The following FLRT2 variants were observed in gnomAD, a reference collection of about 807,000 sequenced individuals.
FLRT2 encodes the protein fibronectin leucine rich transmembrane protein 2, also known as leucine-rich repeat transmembrane protein FLRT2.
Under a neutral mutation model 40.0 loss-of-function variants are expected in FLRT2, and 15 were observed. That is an observed-to-expected ratio of 0.38 (90% confidence interval 0.25 to 0.58). The LOEUF (loss-of-function observed/expected upper bound fraction) is 0.58, where lower values mean the gene tolerates loss of function less well. FLRT2 is among the 20% of genes least tolerant of loss of function. FLRT2 has a pLI of 0.71. For synonymous variants in FLRT2, 380 were observed against 336.8 expected (o/e 1.13, Z -1.41); for missense variants, 726 against 840.0 (o/e 0.86, Z 1.68).
At chr14:85,586,170 A>C (rs898062826) in intron 1 of FLRT2, among the ~76,000 whole-genome samples, 16 of 149,590 alleles carry the variant, frequency 1.1e-4, no homozygotes, top group Non-Finnish European at 2.2e-4. Context: ...ATATTAATAT[A>C]AATATGATTA....
chr14:85,606,103 A>T (rs1892599702), intron 1 of FLRT2, among the ~76,000 whole-genome samples: 1 of 152,270 alleles, frequency 6.6e-6, no homozygotes, highest in East Asian at 1.9e-4. Flanking sequence ...ATATTGCCCA[A>T]CCAAATATTT....
intron 1 of FLRT2, among the ~76,000 whole-genome samples, chr14:85,553,926 C>T (rs1238369625): frequency 6.6e-6 from 1 of 152,070 alleles, no homozygotes; most frequent in African/African-American, 2.4e-5. Context: ...CTTTAAAAAA[C>T]AATAGATTCA....
At chr14:85,582,961 T>A (rs1891458985) in intron 1 of FLRT2, among the ~76,000 whole-genome samples, 1 of 152,066 alleles carries the variant, frequency 6.6e-6, no homozygotes, top group Non-Finnish European at 1.5e-5. Flanking sequence ...TTCACAGCTC[T>A]GGAGGTTAAA....
In FLRT2 at chr14:85,642,291, G is replaced by T. The variant is rs1463216298; in HGVS notation, c.*18794G>T. The T allele has an allele frequency of 6.6e-6, 1 of 152,102 alleles. No homozygotes were observed. The highest frequency in any genetic ancestry group is 1.5e-5 in the Non-Finnish European group (1 of 68,032). The allele number at this position is 152,102 out of a possible 1,614,324, so 9.4% of individuals were successfully genotyped here. On this transcript the variant is annotated 3_prime_UTR_variant, in exon 2 of 2. Transcript: ENST00000330753. ...TATCAGAAACCCAGAGCATTATAAT[G>T]GGAATGTTAGGTAGGTTTAAATTAT...
rs1893971454 is a variant in FLRT2, at chr14:85,635,135, C to T, written c.*11638C>T. 1 of 152,088 alleles carries T rather than the reference C, an allele frequency of 6.6e-6. No homozygotes were observed. Among genetic ancestry groups the T allele is most frequent in the Admixed American group, 6.6e-5 (1 of 15,266 alleles). The allele number at this position is 152,088 out of a possible 1,614,324, so 9.4% of individuals were successfully genotyped here. On this transcript the variant is annotated 3_prime_UTR_variant, in exon 2 of 2. Transcript: ENST00000330753. Reference sequence around the variant, plus strand: ...TAAACTTGATATGTTAGGGAAGCAACCTGCATAACCATTAAAATCAGGAGC... The same window carrying T: ...TAAACTTGATATGTTAGGGAAGCAATCTGCATAACCATTAAAATCAGGAGC...
chr14:85,571,781 G>T (rs1349880533), intron 1 of FLRT2, among the ~76,000 whole-genome samples: 2 of 152,114 alleles, frequency 1.3e-5, no homozygotes, highest in East Asian at 3.9e-4. Flanking sequence ...AGCTCTCAGT[G>T]GCTCTTGTTT....
chr14:85,603,849 G>A (rs1011781128), intron 1 of FLRT2, among the ~76,000 whole-genome samples: 7 of 152,150 alleles, frequency 4.6e-5, no homozygotes, highest in African/African-American at 4.8e-5. Context: ...CAGCCTGGGC[G>A]ACAGAGCGAG....
chr14:85,545,609 T>C (rs1889235893), intron 1 of FLRT2, among the ~76,000 whole-genome samples: 1 of 152,230 alleles, frequency 6.6e-6, no homozygotes, highest in African/African-American at 2.4e-5. Context: ...CATTAGTTAG[T>C]CTGCCACTTT....
rs1403463681 is a variant in FLRT2, at chr14:85,632,482, A to AT, written c.*8985_*8986insT. 2 of 151,664 alleles carry AT rather than the reference A, an allele frequency of 1.3e-5. No homozygotes were observed. The highest frequency in any genetic ancestry group is 4.8e-5 in the African/African-American group (2 of 41,308). 9.4% of individuals were successfully genotyped at this position (151,664 alleles called of 1,614,324 possible). On this transcript the variant is annotated 3_prime_UTR_variant, in exon 2 of 2. Transcript: ENST00000330753. ...TGAGACTCAAAAAAAAAAAAAAAAA[A>AT]ATCACCTTGCAACAAAATATCGCCA... is the stretch of plus-strand genomic sequence containing the variant.
At position 85,537,624 on chromosome 14, in the gene FLRT2, CACAT is replaced by C. The variant is rs1410243775; in HGVS notation, c.-377+7095_-377+7098del. On this transcript the variant is annotated intron_variant, in intron 1 of 1. Transcript: ENST00000330753. ...CACACACACACACACACACAACACA[CACAT>C]ACATCAAGAACCATTTTAAGACAGA... Among the ~76,000 whole-genome samples the C allele has an allele frequency of 5.3e-5, 8 of 152,136 alleles. No homozygotes were observed. The East Asian group carries it at 1.5e-3, about 29-fold the overall frequency.
At chr14:85,605,542 G>A (rs1016218528) in intron 1 of FLRT2, among the ~76,000 whole-genome samples, 11 of 152,130 alleles carry the variant, frequency 7.2e-5, no homozygotes, top group East Asian at 1.9e-4. Context: ...AGGCCGAGGC[G>A]GACAGATCAC....
intron 1 of FLRT2, among the ~76,000 whole-genome samples, chr14:85,589,074 A>G (rs1891768304): frequency 6.6e-6 from 1 of 152,198 alleles, no homozygotes; most frequent in South Asian, 2.1e-4. Context: ...GGGGATGCAG[A>G]TATCTCTTTG....
At chr14:85,600,167 T>C (rs1892320933) in intron 1 of FLRT2, among the ~76,000 whole-genome samples, 1 of 152,176 alleles carries the variant, frequency 6.6e-6, no homozygotes, top group African/African-American at 2.4e-5. Flanking sequence ...GAGGAAGTAG[T>C]AGGAGGCAGC....
At chr14:85,554,951 G>A (rs1889865483) in intron 1 of FLRT2, among the ~76,000 whole-genome samples, 2 of 152,124 alleles carry the variant, frequency 1.3e-5, no homozygotes, top group African/African-American at 4.8e-5. Flanking sequence ...GCACTGATGT[G>A]GATTAAAGAT....
intron 1 of FLRT2, among the ~76,000 whole-genome samples, chr14:85,533,763 G>A (rs933649540): frequency 1.1e-4 from 16 of 151,724 alleles, no homozygotes; most frequent in African/African-American, 2.9e-4. Context: ...AGCGAGGCGA[G>A]CTGGGCGCCC....
chr14:85,615,362 G>A (rs1893076093), intron 1 of FLRT2, among the ~76,000 whole-genome samples: 2 of 152,190 alleles, frequency 1.3e-5, no homozygotes, highest in South Asian at 2.1e-4. Context: ...AGAATATTTT[G>A]TGTTTGCCAA....
intron 1 of FLRT2, among the ~76,000 whole-genome samples, chr14:85,575,528 A>G (rs1168930160): frequency 6.6e-6 from 1 of 152,302 alleles, no homozygotes; most frequent in East Asian, 1.9e-4. Flanking sequence ...GGTCAGACAC[A>G]GTGGTGATCC....
At chr14:85,621,101 C>T (rs1460466921) in intron 1 of FLRT2, 38 bp from the exon 2 acceptor site, 1 of 192,048 alleles carries the variant, frequency 5.2e-6, no homozygotes, top group East Asian at 1.3e-4. Context: ...TCATTACTGC[C>T]TTTAACTGAC....
intron 1 of FLRT2, among the ~76,000 whole-genome samples, chr14:85,593,796 C>G (rs760499592): frequency 6.6e-6 from 1 of 152,140 alleles, no homozygotes; most frequent in Non-Finnish European, 1.5e-5. Context: ...AATTCCAGAA[C>G]TCTGGGAGTT....
Sources: allele counts gnomAD v4.1 joint callset (sites outside exome capture counted in the v4.1 genomes callset), GRCh38; gene constraint gnomAD v4.1.1; transcripts MANE v1.5; gene names NCBI Gene and HGNC (gene_info 2026-07-23, HGNC 2026-07-21).